Variants in LDLRAD4 observed in about 807,000 individuals in gnomAD.
LDLRAD4 encodes the protein low-density lipoprotein receptor class A domain-containing protein 4.
A neutral mutation model predicts 17.0 loss-of-function variants in LDLRAD4; 5 were observed. The observed-to-expected ratio is 0.29, with a 90% CI of 0.15 to 0.62. LDLRAD4 has a LOEUF of 0.62. LDLRAD4 is among the 20% of genes least tolerant of loss of function. LDLRAD4 has a pLI of 0.84. For synonymous variants in LDLRAD4, 168 were observed against 171.8 expected (o/e 0.98, Z 0.17); for missense variants, 340 against 424.7 (o/e 0.80, Z 1.75).
chr18:13,228,048 T>C (rs1379757817), intron 1 of LDLRAD4, among the ~76,000 whole-genome samples: 1 of 152,198 alleles, frequency 6.6e-6, no homozygotes, highest in Admixed American at 6.5e-5. Flanking sequence ...TCTCCCTGGG[T>C]TGAGACTGCA....
At chr18:13,337,740 T>TAAAAAAAAAAAAAAAAAAAA (rs5823248) in intron 1 of LDLRAD4, among the ~76,000 whole-genome samples, 19 of 135,652 alleles carry the variant, frequency 1.4e-4, no homozygotes, top group East Asian at 4.4e-4. Flanking sequence ...TTACAAAAAG[T>TAAAAAAAAAAAAAAAAAAAA]AAAAAAAAAA....
chr18:13,393,375 A>G (rs1203918885), intron 2 of LDLRAD4, among the ~76,000 whole-genome samples: 3 of 152,208 alleles, frequency 2.0e-5, no homozygotes, highest in Non-Finnish European at 4.4e-5. Flanking sequence ...GGCAGCGGGC[A>G]GTGTTTTCCA....
At chr18:13,617,227 C>G (rs1216514841) in intron 3 of LDLRAD4, among the ~76,000 whole-genome samples, 1 of 152,090 alleles carries the variant, frequency 6.6e-6, no homozygotes, top group East Asian at 1.9e-4. Context: ...CACGCCTGGC[C>G]TGGAGTTTAG....
chr18:13,576,923 C>T (rs895168350), intron 3 of LDLRAD4, among the ~76,000 whole-genome samples: 2 of 152,218 alleles, frequency 1.3e-5, no homozygotes, highest in African/African-American at 4.8e-5. Context: ...AAAGAAGTTA[C>T]AACATTAAGC....
chr18:13,643,783 C>T (rs1431053918), intron 5 of LDLRAD4, among the ~76,000 whole-genome samples: 1 of 152,130 alleles, frequency 6.6e-6, no homozygotes, highest in African/African-American at 2.4e-5. Context: ...ATGTTTTTGC[C>T]TTTAAGTTAA....
chr18:13,311,965 G>A (rs1567994175), intron 1 of LDLRAD4, among the ~76,000 whole-genome samples: 1 of 151,844 alleles, frequency 6.6e-6, no homozygotes, highest in Non-Finnish European at 1.5e-5. Context: ...CCGAGTAGCT[G>A]GGACTACAGG....
chr18:13,405,283 G>A (rs34962418), intron 2 of LDLRAD4, among the ~76,000 whole-genome samples: 1 of 152,102 alleles, frequency 6.6e-6, no homozygotes, highest in African/African-American at 2.4e-5. Flanking sequence ...AAAGACTGAG[G>A]CTTAGAGAGA....
chr18:13,447,297 C>G (rs532543717), intron 3 of LDLRAD4, among the ~76,000 whole-genome samples: 1 of 152,212 alleles, frequency 6.6e-6, no homozygotes, highest in Non-Finnish European at 1.5e-5. Flanking sequence ...TCTGCCTGAA[C>G]GGTTCTGTGG....
Position 13,349,964 on chromosome 18 carries a change from C to T in LDLRAD4, c.-382-37377C>T, listed in dbSNP as rs140454514. ...CATATCCCTGCAAAGGACACGATCT[C>T]ATTCCTTTTTATGGCTGCATAGTAT... is the stretch of plus-strand genomic sequence containing the variant. On this transcript the variant is annotated intron_variant, in intron 1 of 5. Transcript: ENST00000359446. Among the ~76,000 whole-genome samples, 265 of 152,332 alleles carry T rather than the reference C, an allele frequency of 1.7e-3. 3 individuals are homozygous for T. Among genetic ancestry groups the T allele is most frequent in the African/African-American group, 6.3e-3 (260 of 41,572 alleles).
At chr18:13,454,724 G>T (rs1185514324) in intron 3 of LDLRAD4, among the ~76,000 whole-genome samples, 1 of 152,168 alleles carries the variant, frequency 6.6e-6, no homozygotes, top group Non-Finnish European at 1.5e-5. Context: ...GCACAGATGA[G>T]CTGGGAAAGG....
chr18:13,645,701 G>T lies in LDLRAD4; in HGVS notation c.*44G>T. ...TCAGCTGGAGAAAGAAACCAAGAAG[G>T]GAAGCGGCCGCTGGGCCCCTCCTGC... On this transcript the variant is annotated 3_prime_UTR_variant, in exon 6 of 6. Coordinates refer to ENST00000359446, the Ensembl canonical transcript of LDLRAD4. This position sits in a 1 kb window ranked among gnomAD's most constrained non-coding sequence, Gnocchi z 5.7. 8.2e-6 allele frequency: 12 copies of T among 1,462,298 alleles called. No individual in the cohort carries two copies. The highest frequency in any genetic ancestry group is 1.1e-5 in the Non-Finnish European group (12 of 1,094,228). The allele number at this position is 1,462,298 out of a possible 1,614,324, so 90.6% of individuals were successfully genotyped here.
chr18:13,377,697 G>T (rs752102654), intron 1 of LDLRAD4, among the ~76,000 whole-genome samples: 3 of 152,208 alleles, frequency 2.0e-5, no homozygotes, highest in Non-Finnish European at 2.9e-5. Flanking sequence ...CTCAGGCAGT[G>T]AGGAGTCATC....
At chr18:13,336,903 G>A (rs190277844) in intron 1 of LDLRAD4, among the ~76,000 whole-genome samples, 32 of 152,164 alleles carry the variant, frequency 2.1e-4, no homozygotes, top group South Asian at 1.5e-3. Flanking sequence ...GGGAGTATTC[G>A]TCTATTAGTA....
chr18:13,609,856 C>T (rs1375951244), intron 3 of LDLRAD4, among the ~76,000 whole-genome samples: 1 of 152,156 alleles, frequency 6.6e-6, no homozygotes, highest in Non-Finnish European at 1.5e-5. Flanking sequence ...TTGGCGCACG[C>T]CTGTAATCCC....
chr18:13,262,043 GAAA>G (rs2043856271), intron 1 of LDLRAD4, among the ~76,000 whole-genome samples: 1 of 116,110 alleles, frequency 8.6e-6, no homozygotes, highest in Admixed American at 9.8e-5. Context: ...TCTGTGCATG[GAAA>G]CTGAGTCCCG....
intron 3 of LDLRAD4, among the ~76,000 whole-genome samples, chr18:13,588,436 G>A (rs956761812): frequency 1.1e-4 from 17 of 152,050 alleles, no homozygotes; most frequent in African/African-American, 3.6e-4. Flanking sequence ...AAAATGTTTG[G>A]AATTTTATCT....
intron 1 of LDLRAD4, among the ~76,000 whole-genome samples, chr18:13,232,608 G>C (rs183667094): frequency 1.3e-5 from 2 of 152,078 alleles, no homozygotes; most frequent in Non-Finnish European, 2.9e-5. Flanking sequence ...ATGTCACCTC[G>C]TGCTGCCGCA....
chr18:13,468,040 G>C (rs929559196), intron 3 of LDLRAD4, among the ~76,000 whole-genome samples: 1 of 152,036 alleles, frequency 6.6e-6, no homozygotes, highest in Admixed American at 6.5e-5. Flanking sequence ...ATTCGTAGGA[G>C]AAAACATAGG....
intron 3 of LDLRAD4, among the ~76,000 whole-genome samples, chr18:13,603,133 T>G (rs1048870844): frequency 6.6e-6 from 1 of 152,170 alleles, no homozygotes; most frequent in Non-Finnish European, 1.5e-5. Flanking sequence ...GGGCCCAAGA[T>G]AAGGAAAAGG....
Sources: allele counts gnomAD v4.1 joint callset (sites outside exome capture counted in the v4.1 genomes callset), GRCh38; gene constraint gnomAD v4.1.1; non-coding constraint Gnocchi (gnomAD v3.1); transcripts MANE v1.5; gene names NCBI Gene and HGNC (gene_info 2026-07-23, HGNC 2026-07-21).